The following SAFB variants were observed in gnomAD, a reference collection of about 807,000 sequenced individuals.
SAFB encodes scaffold attachment factor B, also known as scaffold attachment factor B1.
A neutral mutation model predicts 101.6 loss-of-function variants in SAFB; 15 were observed. The observed-to-expected ratio is 0.15, with a 90% CI of 0.10 to 0.23. The LOEUF (loss-of-function observed/expected upper bound fraction) is 0.23, where lower values mean the gene tolerates loss of function less well. Among genes scored for constraint, SAFB ranks in the 10% least tolerant of loss-of-function variants. SAFB has a pLI of 1.00. For missense variants in SAFB, 930 were observed against 1,104.1 expected, an observed-to-expected ratio of 0.84 and a Z score of 2.23; for synonymous variants, 449 against 407.5, an observed-to-expected ratio of 1.10 and a Z score of -1.23.
intron 2 of SAFB, among the ~76,000 whole-genome samples, chr19:5,634,429 T>C (rs1302516099): frequency 1.3e-5 from 2 of 152,080 alleles, no homozygotes; most frequent in African/African-American, 4.8e-5. Context: ...GGGGGAAAGC[T>C]CTAATCTTAT....
Position 5,667,526 on chromosome 19 carries a change from T to C in SAFB, c.2557+76T>C. 9.5e-7 allele frequency: 1 copy of C among 1,049,582 alleles called. No homozygotes were observed. The highest frequency in any genetic ancestry group is 1.4e-6 in the Non-Finnish European group (1 of 717,048). The allele number at this position is 1,049,582 out of a possible 1,614,324, so 65.0% of individuals were successfully genotyped here. On this transcript the variant is annotated intron_variant, in intron 19 of 20. Coordinates refer to ENST00000588852, the MANE Select transcript of SAFB (RefSeq NM_001201338.2). This position sits in a 1 kb window ranked among gnomAD's most constrained non-coding sequence, Gnocchi z 4.0. The stretch of plus-strand genomic sequence containing the variant: ...AGATGGAGGCCGCGCCTTCTCTCCT[T>C]GGGGGAGCACAGGAGGTGCTCTGCT...
In SAFB at chr19:5,653,120, G is replaced by A. The variant is rs557122899; in HGVS notation, c.1299G>A (p.Val433=). ...TTTGCCTGCTTTCCTTTGAGGTGGT[G>A]GGCGCCAAGGTTGTGACAAATGCCC... ...KNLFSKYGKV[V]GAKVVTNARS... The change falls in exon 10 of 21, where the codon GTG becomes GTA. Residue 433 remains valine (V), a synonymous_variant. Coordinates refer to ENST00000588852, the MANE Select transcript of SAFB (RefSeq NM_001201338.2). 7.4e-6 allele frequency: 12 copies of A among 1,613,526 alleles called. No individual in the cohort carries two copies. In the Admixed American group the frequency reaches 1.2e-4, roughly 16 times the overall value.
At chr19:5,652,147 C>T (rs547079369) in intron 9 of SAFB, among the ~76,000 whole-genome samples, 22 of 151,900 alleles carry the variant, frequency 1.4e-4, no homozygotes, top group African/African-American at 2.7e-4. Context: ...GACCCGAGAC[C>T]GTGCCACTGC....
chr19:5,630,301 G>A (rs1328659349), intron 2 of SAFB, among the ~76,000 whole-genome samples: 3 of 152,084 alleles, frequency 2.0e-5, no homozygotes, highest in Non-Finnish European at 2.9e-5. Context: ...GCCCTTTGCC[G>A]ATTTCTGTGC....
chr19:5,651,674 C>T (rs1259345397), intron 9 of SAFB, among the ~76,000 whole-genome samples: 1 of 152,126 alleles, frequency 6.6e-6, no homozygotes, highest in Non-Finnish European at 1.5e-5. Flanking sequence ...CCAGCGCAGC[C>T]GCCTGGCCCT....
chr19:5,647,314 G>A (rs2053847131), intron 5 of SAFB, among the ~76,000 whole-genome samples: 1 of 152,216 alleles, frequency 6.6e-6, no homozygotes, highest in Non-Finnish European at 1.5e-5. Context: ...AGGTGGCATA[G>A]GGATCCATTG....
intron 9 of SAFB, among the ~76,000 whole-genome samples, chr19:5,652,502 C>T (rs1444052784): frequency 2.6e-5 from 4 of 152,180 alleles, no homozygotes; most frequent in South Asian, 2.1e-4. Context: ...GATTACCAGC[C>T]TCGGCCACTG....
At chr19:5,623,430 G>T (rs1476631034) in intron 1 of SAFB, 36 bp downstream of exon 1, 2 of 1,571,020 alleles carry the variant, frequency 1.3e-6, no homozygotes, top group Non-Finnish European at 8.7e-7. Context: ...CACAGGGTGG[G>T]TCTGGGGTCC....
At chr19:5,655,958 T>C (rs1416583052) in intron 13 of SAFB, among the ~76,000 whole-genome samples, 1 of 152,166 alleles carries the variant, frequency 6.6e-6, no homozygotes, top group Non-Finnish European at 1.5e-5. Context: ...GCAAAAGACA[T>C]AAAAAATTGG....
intron 9 of SAFB, among the ~76,000 whole-genome samples, chr19:5,652,096 G>C (rs2053951992): frequency 6.6e-6 from 1 of 152,072 alleles, no homozygotes; most frequent in South Asian, 2.1e-4. Flanking sequence ...GGGACGCTAA[G>C]GCAGGATAAC....
chr19:5,666,654 C>A, intron 17 of SAFB: 1 of 221,278 alleles, frequency 4.5e-6, no homozygotes, highest in Non-Finnish European at 9.0e-6. Flanking sequence ...GTTTATAAAC[C>A]TGACCTTTCT....
chr19:5,636,965 T>C (rs2046996602), intron 2 of SAFB, among the ~76,000 whole-genome samples: 1 of 151,472 alleles, frequency 6.6e-6, no homozygotes, highest in African/African-American at 2.4e-5. Flanking sequence ...CACCTCGGCC[T>C]CCCAAAGTGC....
rs762885015 is a variant in SAFB at position 5,668,241 on chromosome 19, C to T, written c.2704C>T (p.Gln902Ter). 1 of 1,611,596 alleles carries T rather than the reference C, an allele frequency of 6.2e-7. No individual in the cohort carries two copies. ...TGGCATGCAGGGCGGGTTTGGAGGCCAGAGCCGGGGGAGCAGGCCCAGCGA... is the reference window on the plus strand; with the variant it reads ...TGGCATGCAGGGCGGGTTTGGAGGCTAGAGCCGGGGGAGCAGGCCCAGCGA... The part of the protein sequence containing the change: ...HGGMQGGFGG[Q>*]SRGSRPSDAR... The change falls in exon 21 of 21, where the codon CAG (glutamine) becomes TAG (stop). Residue 902 changes from glutamine (Q) to a stop codon, truncating the protein, a stop_gained. Coordinates refer to ENST00000588852, the MANE Select transcript of SAFB (RefSeq NM_001201338.2). LOFTEE classifies it high-confidence loss of function.
At chr19:5,652,010 A>G (rs943640432) in intron 9 of SAFB, among the ~76,000 whole-genome samples, 1 of 152,122 alleles carries the variant, frequency 6.6e-6, no homozygotes, top group African/African-American at 2.4e-5. Context: ...CTTGGCCAGT[A>G]TGGTGAAGCC....
chr19:5,629,806 C>T (rs1354724521), intron 2 of SAFB, among the ~76,000 whole-genome samples: 1 of 152,204 alleles, frequency 6.6e-6, no homozygotes, highest in Admixed American at 6.5e-5. Context: ...GCCTGTAATC[C>T]TAGCACTTTG....
chr19:5,627,990 C>T (rs2053404461), intron 2 of SAFB, among the ~76,000 whole-genome samples: 1 of 152,162 alleles, frequency 6.6e-6, no homozygotes, highest in South Asian at 2.1e-4. Flanking sequence ...GTGGCTCACA[C>T]CTGTAATGCC....
chr19:5,660,504 ATAT>A (rs926530357), intron 14 of SAFB, among the ~76,000 whole-genome samples: 15 of 151,448 alleles, frequency 9.9e-5, no homozygotes, highest in African/African-American at 3.6e-4. Flanking sequence ...CGCCTGGCTA[ATAT>A]TATTTTTTCT....
At chr19:5,650,058 C>T (rs1470237413) in intron 8 of SAFB, 83 bp downstream of exon 8, 1 of 1,065,830 alleles carries the variant, frequency 9.4e-7, no homozygotes, top group Non-Finnish European at 1.5e-6. Flanking sequence ...TCATCGCGTG[C>T]TATGCTCCTT....
intron 2 of SAFB, among the ~76,000 whole-genome samples, chr19:5,636,353 C>T (rs2053595794): frequency 6.6e-6 from 1 of 152,052 alleles, no homozygotes; most frequent in African/African-American, 2.4e-5. Context: ...CATTCTGTGG[C>T]AATGCTCTGG....
Sources: gnomAD v4.1 joint callset for allele counts (sites outside exome capture counted in the v4.1 genomes callset) on GRCh38, gnomAD v4.1.1 for gene constraint, Gnocchi (gnomAD v3.1) non-coding constraint, MANE v1.5 for transcripts, NCBI Gene and HGNC (gene_info 2026-07-23, HGNC 2026-07-21) for gene names.